The following SYNPR variants were observed in gnomAD, a reference collection of about 807,000 sequenced individuals.
The protein encoded by SYNPR is synaptoporin.
A neutral mutation model predicts 32.9 loss-of-function variants in SYNPR; 23 were observed. That is an observed-to-expected ratio of 0.70 (90% CI 0.50 to 0.99). The LOEUF is 0.99. Among genes scored for constraint, SYNPR ranks in the 50% least tolerant of loss-of-function variants. SYNPR has a pLI of 0.00. For missense variants in SYNPR, 318 were observed against 349.3 expected, an observed-to-expected ratio of 0.91 and a Z score of 0.71; for synonymous variants, 146 against 135.9, an observed-to-expected ratio of 1.07 and a Z score of -0.52.
chr3:63,479,446 G>GCGCGCACACA (rs6147854), intron 2 of SYNPR, among the ~76,000 whole-genome samples: 1 of 135,742 alleles, frequency 7.4e-6, no homozygotes, highest in East Asian at 2.0e-4. Flanking sequence ...CCACACACAT[G>GCGCGCACACA]CACACACACA....
At chr3:63,476,782 C>G (rs1207953242) in intron 2 of SYNPR, among the ~76,000 whole-genome samples, 1 of 152,166 alleles carries the variant, frequency 6.6e-6, no homozygotes, top group Non-Finnish European at 1.5e-5. Flanking sequence ...AATAACTCCC[C>G]TCAAAACGTG....
intron 4 of SYNPR, among the ~76,000 whole-genome samples, chr3:63,595,953 ATATATATAGTTT>A (rs1411829721): frequency 0.039 from 3,454 of 89,006 alleles, 286 homozygotes; most frequent in African/African-American, 0.11. Flanking sequence ...ATATAGTTTT[ATATATATAGTTT>A]TATATATAGT....
At chr3:63,597,870 T>C (rs1002423125) in intron 4 of SYNPR, among the ~76,000 whole-genome samples, 4 of 152,226 alleles carry the variant, frequency 2.6e-5, no homozygotes, top group African/African-American at 9.6e-5. Context: ...TTGTCCTGTC[T>C]ATCCATTTTT....
intron 2 of SYNPR, among the ~76,000 whole-genome samples, chr3:63,415,372 A>G (rs185164585): frequency 4.7e-4 from 71 of 152,358 alleles, no homozygotes; most frequent in Non-Finnish European, 7.6e-4. Context: ...AAATCTGGCC[A>G]AAAATTTGGC....
intron 2 of SYNPR, among the ~76,000 whole-genome samples, chr3:63,324,069 A>G (rs938272564): frequency 6.6e-6 from 1 of 152,158 alleles, no homozygotes; most frequent in Admixed American, 6.5e-5. Flanking sequence ...CAATAATGAA[A>G]AATGATGCTG....
At chr3:63,332,727 GTT>G (rs2087243406) in intron 2 of SYNPR, among the ~76,000 whole-genome samples, 1 of 152,198 alleles carries the variant, frequency 6.6e-6, no homozygotes, top group African/African-American at 2.4e-5. Flanking sequence ...GCCCAGAGTG[GTT>G]TAGTGACTTC....
At chr3:63,323,366 A>G (rs1461751212) in intron 2 of SYNPR, among the ~76,000 whole-genome samples, 3 of 152,176 alleles carry the variant, frequency 2.0e-5, no homozygotes, top group African/African-American at 7.2e-5. Flanking sequence ...CTTATGGCAA[A>G]AAGGGAGAGG....
At chr3:63,551,707 T>A (rs1702503616) in intron 3 of SYNPR, among the ~76,000 whole-genome samples, 1 of 152,092 alleles carries the variant, frequency 6.6e-6, no homozygotes, top group Non-Finnish European at 1.5e-5. Flanking sequence ...ATCTCCAGCC[T>A]AAAAGTCACT....
chr3:63,377,038 G>A (rs184908984), intron 2 of SYNPR, among the ~76,000 whole-genome samples: 27 of 151,966 alleles, frequency 1.8e-4, no homozygotes, highest in Admixed American at 5.2e-4. Flanking sequence ...TCAACATCCC[G>A]TTTTTCCCAA....
At chr3:63,351,051 T>C (rs886258883) in intron 2 of SYNPR, among the ~76,000 whole-genome samples, 1 of 152,216 alleles carries the variant, frequency 6.6e-6, no homozygotes, top group African/African-American at 2.4e-5. Context: ...TTTTTTTCTC[T>C]AGTTAGTCCT....
chr3:63,569,803 C>A (rs997518742), intron 4 of SYNPR, among the ~76,000 whole-genome samples: 1 of 152,184 alleles, frequency 6.6e-6, no homozygotes, highest in African/African-American at 2.4e-5. Context: ...ATACAGAAAT[C>A]CCATGTGATT....
chr3:63,562,353 T>C (rs962116561), intron 4 of SYNPR, among the ~76,000 whole-genome samples: 2 of 152,218 alleles, frequency 1.3e-5, no homozygotes, highest in Non-Finnish European at 2.9e-5. Context: ...AAATACCATC[T>C]CATGTTTCAG....
chr3:63,279,854 G>A (rs1374718178), intron 2 of SYNPR, among the ~76,000 whole-genome samples: 1 of 152,140 alleles, frequency 6.6e-6, no homozygotes, highest in Non-Finnish European at 1.5e-5. Flanking sequence ...GAAAATGTAT[G>A]CGTATATCAA....
chr3:63,546,075 C>G (rs79475128), intron 3 of SYNPR, among the ~76,000 whole-genome samples: 1 of 151,976 alleles, frequency 6.6e-6, no homozygotes, highest in Admixed American at 6.6e-5. Context: ...GGAAAGCAAA[C>G]GAGAGAAGAA....
At chr3:63,352,484 T>C (rs2087523255) in intron 2 of SYNPR, among the ~76,000 whole-genome samples, 7 of 152,182 alleles carry the variant, frequency 4.6e-5, no homozygotes. Context: ...AGGTTCTATG[T>C]CTACAAGCAA....
intron 2 of SYNPR, among the ~76,000 whole-genome samples, chr3:63,410,144 C>T (rs750626676): frequency 1.3e-5 from 2 of 152,204 alleles, no homozygotes; most frequent in Non-Finnish European, 2.9e-5. Flanking sequence ...CATGCAATTA[C>T]TTATCCATTT....
chr3:63,581,991 C>T (rs1703101551), intron 4 of SYNPR, among the ~76,000 whole-genome samples: 1 of 152,114 alleles, frequency 6.6e-6, no homozygotes, highest in Non-Finnish European at 1.5e-5. Flanking sequence ...AAAATGTTTG[C>T]TTCCCAGGTG....
chr3:63,509,659 A>G (rs562541276), intron 3 of SYNPR, among the ~76,000 whole-genome samples: 4 of 152,214 alleles, frequency 2.6e-5, no homozygotes, highest in African/African-American at 9.6e-5. Context: ...TCATTCAGAA[A>G]TGCTAATAAA....
chr3:63,613,114 T>G (rs1700225410), intron 5 of SYNPR, among the ~76,000 whole-genome samples: 1 of 151,594 alleles, frequency 6.6e-6, no homozygotes, highest in East Asian at 1.9e-4. Context: ...CCCTTCTGAG[T>G]ACCTGGGACT....
Sources: gnomAD v4.1 joint callset for allele counts (sites outside exome capture counted in the v4.1 genomes callset) on GRCh38, gnomAD v4.1.1 for gene constraint, MANE v1.5 for transcripts, NCBI Gene and HGNC (gene_info 2026-07-23, HGNC 2026-07-21) for gene names.